GPC5: variants seen among roughly 807,000 people sequenced by gnomAD.
GPC5 encodes the protein glypican 5.
GPC5 carries 47 observed loss-of-function variants against 53.9 expected under a neutral mutation model. The ratio of observed to expected loss-of-function variants is 0.87; its 90% CI spans 0.69 to 1.11. The LOEUF (loss-of-function observed/expected upper bound fraction) is 1.11. Ranked by LOEUF, GPC5 falls within the 50% of genes most tolerant of loss-of-function variation. The pLI, the probability that GPC5 is intolerant of heterozygous loss-of-function variation, is 0.00. For synonymous variants in GPC5, 286 were observed against 263.3 expected (o/e 1.09, Z -0.84); for missense variants, 748 against 713.1 (o/e 1.05, Z -0.56).
chr13:91,585,977 G>A lies in GPC5; in HGVS notation c.326-107210G>A, dbSNP rs905927806. 2.6e-5 allele frequency among the ~76,000 whole-genome samples: 4 copies of A among 151,566 alleles called. No individual in the cohort carries two copies. The South Asian group carries it at 6.3e-4, about 24-fold the overall frequency. Reference sequence around the variant, plus strand: ...GGATTATCAGAACTTATTAACATCAGTGTTACTGAAGTTGGTGTACAACCC... The same window carrying A: ...GGATTATCAGAACTTATTAACATCAATGTTACTGAAGTTGGTGTACAACCC... On this transcript the variant is annotated intron_variant, in intron 2 of 7. Transcript: ENST00000377067.
intron 7 of GPC5, among the ~76,000 whole-genome samples, chr13:92,584,568 T>C (rs115585303): frequency 0.016 from 2,427 of 152,200 alleles, 64 homozygotes; most frequent in African/African-American, 0.055. Context: ...CCTGACAATA[T>C]GATAGAAAAG....
At chr13:92,805,913 T>C (rs1160835293) in intron 7 of GPC5, among the ~76,000 whole-genome samples, 1 of 152,018 alleles carries the variant, frequency 6.6e-6, no homozygotes, top group East Asian at 1.9e-4. Context: ...GTAAATGAGC[T>C]TTGGCTTTAA....
intron 5 of GPC5, among the ~76,000 whole-genome samples, chr13:91,775,222 G>C (rs1451738263): frequency 6.6e-6 from 1 of 152,118 alleles, no homozygotes; most frequent in African/African-American, 2.4e-5. Flanking sequence ...ATGACAAAAA[G>C]TTATGAAAAA....
intron 5 of GPC5, among the ~76,000 whole-genome samples, chr13:91,832,077 T>C (rs1488030566): frequency 6.6e-6 from 1 of 151,984 alleles, no homozygotes. Context: ...TCTCCCACTA[T>C]TATTGTGTGG....
rs1431286204 is a variant in GPC5, at chr13:92,639,991, A to T, written c.1562-226291A>T. ...TTTTTTTTCTCTCTCTCTCTCTCTC[A>T]CTCTCTCTCACTCTCCCTTCTCCCT... On this transcript the variant is annotated intron_variant, in intron 7 of 7. Transcript: ENST00000377067. 8.8e-5 allele frequency among the ~76,000 whole-genome samples: 13 copies of T among 147,060 alleles called. No homozygotes were observed. The East Asian group carries it at 1.2e-3, about 14-fold the overall frequency.
At chr13:92,757,693 A>G (rs1874952702) in intron 7 of GPC5, among the ~76,000 whole-genome samples, 1 of 152,218 alleles carries the variant, frequency 6.6e-6, no homozygotes, top group Admixed American at 6.5e-5. Flanking sequence ...ACACTTCTCA[A>G]AAGAAGACAT....
Position 92,601,707 on chromosome 13 carries a change from A to G in GPC5, c.1562-264575A>G, listed in dbSNP as rs532777083. 3.9e-5 allele frequency among the ~76,000 whole-genome samples: 6 copies of G among 152,238 alleles called. No homozygotes were observed. The South Asian group carries it at 1.0e-3, about 26-fold the overall frequency. On this transcript the variant is annotated intron_variant, in intron 7 of 7. Transcript: ENST00000377067. ...AAGAAAATATAATAAAATGCTTTAT[A>G]TGAATGTATTAATATGATATAGCCT...
intron 4 of GPC5, among the ~76,000 whole-genome samples, chr13:91,741,616 A>AG (rs1265239986): frequency 6.6e-6 from 1 of 152,214 alleles, no homozygotes; most frequent in Non-Finnish European, 1.5e-5. Context: ...TAAAATGCAT[A>AG]GAGTTTATAA....
chr13:92,598,422 C>G (rs897825459), intron 7 of GPC5, among the ~76,000 whole-genome samples: 27 of 151,728 alleles, frequency 1.8e-4, no homozygotes, highest in Non-Finnish European at 2.9e-4. Flanking sequence ...ACTCTGATAT[C>G]CTTATGTGTT....
intron 7 of GPC5, among the ~76,000 whole-genome samples, chr13:92,380,264 G>A (rs1177213502): frequency 6.6e-6 from 1 of 152,036 alleles, no homozygotes; most frequent in Non-Finnish European, 1.5e-5. Flanking sequence ...TCATTCGCTT[G>A]GCCCCTTGGA....
intron 2 of GPC5, among the ~76,000 whole-genome samples, chr13:91,614,417 C>G (rs538415742): frequency 4.6e-5 from 7 of 152,094 alleles, no homozygotes; most frequent in African/African-American, 1.7e-4. Flanking sequence ...AACCTCCCTC[C>G]GCCTCCTTAG....
intron 5 of GPC5, among the ~76,000 whole-genome samples, chr13:91,864,482 A>G (rs1256991845): frequency 6.6e-6 from 1 of 152,212 alleles, no homozygotes; most frequent in African/African-American, 2.4e-5. Flanking sequence ...GAAATATTAC[A>G]TGTAAATAGT....
chr13:91,760,343 G>A (rs2037383705), intron 5 of GPC5, among the ~76,000 whole-genome samples: 1 of 152,130 alleles, frequency 6.6e-6, no homozygotes, highest in South Asian at 2.1e-4. Context: ...AAAAAATGAA[G>A]TATAGCAGTG....
chr13:91,580,221 T>G (rs1032678295), intron 2 of GPC5, among the ~76,000 whole-genome samples: 1 of 151,998 alleles, frequency 6.6e-6, no homozygotes, highest in African/African-American at 2.4e-5. Flanking sequence ...TGGCTATTTC[T>G]TTGTATTTTG....
chr13:92,670,624 T>C (rs1886713728), intron 7 of GPC5, among the ~76,000 whole-genome samples: 1 of 152,166 alleles, frequency 6.6e-6, no homozygotes, highest in Non-Finnish European at 1.5e-5. Flanking sequence ...GGTGTTTCCA[T>C]GTGGGGATGT....
chr13:92,524,602 G>A (rs1308493539), intron 7 of GPC5, among the ~76,000 whole-genome samples: 1 of 152,058 alleles, frequency 6.6e-6, no homozygotes, highest in Non-Finnish European at 1.5e-5. Flanking sequence ...AGTCACATTA[G>A]ACTTCTATCT....
chr13:91,735,801 C>G (rs2036801721), intron 4 of GPC5, among the ~76,000 whole-genome samples: 2 of 151,376 alleles, frequency 1.3e-5, no homozygotes, highest in South Asian at 4.1e-4. Context: ...GAGTCTACTA[C>G]TTAGGATGTG....
At chr13:92,418,431 G>A (rs2139358806) in intron 7 of GPC5, among the ~76,000 whole-genome samples, 1 of 152,242 alleles carries the variant, frequency 6.6e-6, no homozygotes, top group Middle Eastern at 3.4e-3. Context: ...GGTAGTTTAG[G>A]GAAAAAGAGA....
chr13:91,700,794 G>T (rs928126149), intron 3 of GPC5, among the ~76,000 whole-genome samples: 3 of 152,130 alleles, frequency 2.0e-5, no homozygotes, highest in African/African-American at 7.2e-5. Flanking sequence ...ATGTGCATTT[G>T]CTTTTGTTAA....
Sources: gnomAD v4.1 joint callset for allele counts (sites outside exome capture counted in the v4.1 genomes callset) on GRCh38, gnomAD v4.1.1 for gene constraint, MANE v1.5 for transcripts, NCBI Gene and HGNC (gene_info 2026-07-23, HGNC 2026-07-21) for gene names.